Variants in TTN observed in about 807,000 individuals in gnomAD.
TTN encodes the protein connectin.
In TTN, 1,525 loss-of-function variants were observed where a neutral mutation model predicts 3,223.0. The observed-to-expected ratio is 0.47, with a 90% confidence interval of 0.45 to 0.49. TTN has a LOEUF of 0.49. Ranked by LOEUF, TTN falls within the 20% of genes least tolerant of loss-of-function variation. TTN has a pLI of 0.00. For synonymous variants in TTN, 14,094 were observed against 15,161.0 expected (o/e 0.93, Z 5.17); for missense variants, 40,786 against 43,424.0 (o/e 0.94, Z 5.40).
chr2:178,611,268 T>C lies in TTN; in HGVS notation c.50861A>G (p.Lys16954Arg). ...ATGAGTCTCCAGGTCAATTGTTGGC[T>C]TGCCTGTAAGATATCATTCAAAAGA... ...ENVVAKDPDC[K>R]PTIDLETHDI... Residue 16954 changes from lysine (K) to arginine (R), a missense_variant, in exon 270 of 363, where the codon AAG becomes AGG. Physicochemically the swap from Lys to Arg is conservative, Grantham distance 26. Coordinates refer to ENST00000589042, the MANE Select transcript of TTN (RefSeq NM_001267550.2). 1 of 1,612,054 alleles carries C rather than the reference T, an allele frequency of 6.2e-7. No individual in the cohort carries two copies. The highest frequency in any genetic ancestry group is 1.1e-5 in the South Asian group (1 of 90,850).
rs768739882 is a variant in TTN at position 178,565,798 on chromosome 2, A to G, written c.80334T>C (p.Ala26778=). The part of the protein sequence containing the change: ...PVETVDAVKA[A]EPPSPPGKVT... ...CCTTTCCTGGTGGGGAAGGAGGTTC[A>G]GCAGCTTTCACGGCATCAACAGTTT... is the stretch of plus-strand genomic sequence containing the variant. Residue 26778 remains alanine, a synonymous_variant, in exon 326 of 363, where the codon GCT becomes GCC. Coordinates refer to ENST00000589042, the MANE Select transcript of TTN (RefSeq NM_001267550.2). The G allele has an allele frequency of 1.8e-5, 29 of 1,613,520 alleles. No homozygotes were observed. Among genetic ancestry groups the G allele is most frequent in the Middle Eastern group, 3.3e-4 (2 of 6,078 alleles).
Position 178,583,677 on chromosome 2 carries a change from A to T in TTN, c.65505T>A (p.Ile21835=). 1 of 1,612,328 alleles carries T rather than the reference A, an allele frequency of 6.2e-7. No homozygotes were observed. Among genetic ancestry groups the T allele is most frequent in the Non-Finnish European group, 8.5e-7 (1 of 1,179,180 alleles). The part of the protein sequence containing the change: ...EEKAQYQFRA[I]ARTAVNISPP... ...GGCTAATGTTTACCGCGGTCCTGGC[A>T]ATAGCTCTAAATTGATACTGAGCTT... is the stretch of plus-strand genomic sequence containing the variant. The change falls in exon 312 of 363, where the codon ATT becomes ATA. Residue 21835 remains isoleucine (I), a synonymous_variant. Transcript: ENST00000589042.
intron 121 of TTN, among the ~76,000 whole-genome samples, chr2:178,690,816 C>T (rs1225862936): frequency 6.6e-6 from 1 of 151,934 alleles, no homozygotes; most frequent in East Asian, 1.9e-4. Context: ...TGCTATTATA[C>T]TATGTGTATT....
intron 46 of TTN, among the ~76,000 whole-genome samples, chr2:178,755,489 A>G (rs962564739): frequency 3.9e-5 from 6 of 152,008 alleles, no homozygotes; most frequent in Admixed American, 2.0e-4. Flanking sequence ...AGGCTGGAGT[A>G]CAGTGACCCT....
At chr2:178,630,989 A>G (rs2059730993) in intron 237 of TTN, 45 bp downstream of exon 237, 5 of 1,611,604 alleles carry the variant, frequency 3.1e-6, no homozygotes, top group Admixed American at 1.7e-5. Context: ...TCTGGCACAA[A>G]TAACCCCAAT....
chr2:178,649,470 A>G (rs778133437), intron 212 of TTN, 84 bp downstream of exon 212: 156 of 1,428,744 alleles, frequency 1.1e-4, no homozygotes, highest in Non-Finnish European at 1.3e-4. Context: ...TAGTTATGCA[A>G]CAACAATGAG....
At chr2:178,685,072 A>T in intron 129 of TTN, 83 bp from the exon 130 acceptor site, 1 of 1,264,306 alleles carries the variant, frequency 7.9e-7, no homozygotes. Flanking sequence ...TCACTTTTTG[A>T]AAAGATTGCA....
rs2069438008 is a variant in TTN at position 178,681,670 on chromosome 2, G to A, written c.33163C>T (p.Pro11055Ser). 1.2e-6 allele frequency: 2 copies of A among 1,605,612 alleles called. No homozygotes were observed. The highest frequency in any genetic ancestry group is 8.5e-7 in the Non-Finnish European group (1 of 1,177,720). Residue 11055 changes from proline (P) to serine (S), a missense_variant, in exon 136 of 363, where the codon CCG (proline) becomes TCG (serine). Physicochemically the swap from Pro to Ser is moderately conservative, Grantham distance 74 (BLOSUM62 -1). Transcript: ENST00000589042. The part of the protein sequence containing the change: ...EPVPTKPKAP[P>S]AKVLKKAVPE... ...GTTTTTTTCACTCTACCTTTAGCCGGTGGGGCCTTTGGTTTTGTGGGAACT... is the reference window on the plus strand; with the variant it reads ...GTTTTTTTCACTCTACCTTTAGCCGATGGGGCCTTTGGTTTTGTGGGAACT...
At chr2:178,665,273 T>G in intron 165 of TTN, 104 bp downstream of exon 165, 1 of 1,111,654 alleles carries the variant, frequency 9.0e-7, no homozygotes, top group Admixed American at 2.1e-5. Context: ...AAGATATTAG[T>G]ATGTTTATAT....
intron 45 of TTN, among the ~76,000 whole-genome samples, chr2:178,757,211 T>TGCTG (rs1422579948): frequency 6.6e-6 from 1 of 152,090 alleles, no homozygotes; most frequent in African/African-American, 2.4e-5. Context: ...TGTACTTACT[T>TGCTG]TAAGTACAGT....
rs750047438 is a variant in TTN, at chr2:178,556,905, C to G, written c.88249G>C (p.Gly29417Arg). The change falls in exon 330 of 363, where the codon GGT becomes CGT. Residue 29417 changes from glycine to arginine, a missense_variant. By Grantham distance (125) the Gly-to-Arg change is moderately radical (BLOSUM62 -2). Coordinates refer to ENST00000589042, the MANE Select transcript of TTN (RefSeq NM_001267550.2). ...EFRVFARNAV[G>R]SISNPSEVVG... The stretch of plus-strand genomic sequence containing the variant: ...ACCTCAGATGGATTGCTAATGGAAC[C>G]AACAGCATTCCTAGCAAAGACACGG... 1 of 1,613,756 alleles carries G rather than the reference C, an allele frequency of 6.2e-7. No individual in the cohort carries two copies. Among genetic ancestry groups the G allele is most frequent in the South Asian group, 1.1e-5 (1 of 91,080 alleles).
chr2:178,765,996 A>G (rs1351298660), intron 41 of TTN, among the ~76,000 whole-genome samples: 1 of 152,200 alleles, frequency 6.6e-6, no homozygotes, highest in Non-Finnish European at 1.5e-5. Flanking sequence ...TCCATATCAG[A>G]GGCTGGAAAC....
rs746680669 is a variant in TTN at position 178,652,283 on chromosome 2, A to G, written c.39192T>C (p.Pro13064=). Reference sequence around the variant, plus strand: ...GTCTACCTTTTGTGGGTGGCACTTCAGGCTTTTTAGGAGGAGGCACTGGCA... The same window carrying G: ...GTCTACCTTTTGTGGGTGGCACTTCGGGCTTTTTAGGAGGAGGCACTGGCA... ...KKVPVPPPKK[P]EVPPTKVPEV... The change falls in exon 203 of 363, where the codon CCT becomes CCC. Residue 13064 remains proline (P), a synonymous_variant. Transcript: ENST00000589042. The G allele has an allele frequency of 6.2e-7, 1 of 1,613,700 alleles. No homozygotes were observed. The highest frequency in any genetic ancestry group is 8.5e-7 in the Non-Finnish European group (1 of 1,179,716).
rs752924679 is a variant in TTN, at chr2:178,733,283, T to C, written c.16010A>G (p.Asn5337Ser). The C allele has an allele frequency of 7.3e-5, 117 of 1,611,992 alleles. No homozygotes were observed. Among genetic ancestry groups the C allele is most frequent in the African/African-American group, 1.1e-4 (8 of 74,892 alleles). Residue 5337 changes from asparagine to serine, a missense_variant, in exon 54 of 363, where the codon AAT becomes AGT. Asn to Ser is a conservative substitution (Grantham distance 46). Transcript: ENST00000589042. ...CTCACAGGAGCTGCTGCCCACTTCA[T>C]TGGAAATCTCAAATGTGTATTGGCC... ...DSGQYTFEIS[N>S]EVGSSSCETT...
Position 178,725,898 on chromosome 2 carries a change from C to T in TTN, c.20424G>A (p.Lys6808=), listed in dbSNP as rs1395148445. The T allele has an allele frequency of 6.2e-7, 1 of 1,613,030 alleles. No individual in the cohort carries two copies. Among genetic ancestry groups the T allele is most frequent in the East Asian group, 2.2e-5 (1 of 44,822 alleles). The change falls in exon 70 of 363, where the codon AAG becomes AAA. Residue 6808 remains lysine (K), a synonymous_variant. Transcript: ENST00000589042. ...TTGTGTGGAAGTTTTTGGATGCAATCTTGTATTTCTTGCTGCTTCTGAGTT... is the reference window on the plus strand; with the variant it reads ...TTGTGTGGAAGTTTTTGGATGCAATTTTGTATTTCTTGCTGCTTCTGAGTT... ...KRQLRSSKKY[K]IASKNFHTSI...
Position 178,581,827 on chromosome 2 carries a change from A to C in TTN, c.66464-23T>G, listed in dbSNP as rs370102963. 4.8e-5 allele frequency: 76 copies of C among 1,595,066 alleles called. No individual in the cohort carries two copies. The African/African-American group carries it at 9.8e-4, about 20-fold the overall frequency. The stretch of plus-strand genomic sequence containing the variant: ...GATCTGAGAATAAATAATGATAGGA[A>C]ATTTTCATGAAAACTTCCTTCCTGG... On this transcript the variant is annotated intron_variant, in intron 315 of 362. Coordinates refer to ENST00000589042, the MANE Select transcript of TTN (RefSeq NM_001267550.2).
Position 178,672,625 on chromosome 2 carries a change from G to C in TTN, c.34855+10C>G. ...AGAAGAGGAAGTCAGGTTTAAAAGA[G>C]AAGATGTACCTTTGGCTGGGGGTGC... On this transcript the variant is annotated intron_variant, in intron 153 of 362. Coordinates refer to ENST00000589042, the MANE Select transcript of TTN (RefSeq NM_001267550.2). The C allele has an allele frequency of 6.2e-7, 1 of 1,611,678 alleles. No individual in the cohort carries two copies. The highest frequency in any genetic ancestry group is 2.2e-5 in the East Asian group (1 of 44,798).
intron 3 of TTN, 110 bp from the exon 4 acceptor site, chr2:178,800,792 T>A: frequency 7.9e-7 from 1 of 1,264,326 alleles, no homozygotes; most frequent in Non-Finnish European, 1.1e-6. Context: ...CTCGCCAATC[T>A]AAACATCCTT....
In TTN at chr2:178,774,181, A is replaced by G. The variant is rs540994349; in HGVS notation, c.7057+26T>C. ...AATAAACCATAATGATGCTCACTGC[A>G]GGCTGACAGGAATGGGAGGACTTAC... On this transcript the variant is annotated intron_variant, in intron 30 of 362. Transcript: ENST00000589042. 4 of 1,614,164 alleles carry G rather than the reference A, an allele frequency of 2.5e-6. No homozygotes were observed. In the South Asian group the frequency reaches 4.4e-5, roughly 18 times the overall value.
Sources: gnomAD v4.1 joint callset for allele counts (sites outside exome capture counted in the v4.1 genomes callset) on GRCh38, gnomAD v4.1.1 for gene constraint, MANE v1.5 for transcripts, NCBI Gene and HGNC (gene_info 2026-07-23, HGNC 2026-07-21) for gene names.